The following CDIP1 variants were observed in gnomAD, a reference collection of about 807,000 sequenced individuals.
CDIP1 encodes cell death inducing p53 target 1, also known as cell death-inducing p53-target protein 1.
CDIP1 carries 9 observed loss-of-function variants against 17.7 expected under a neutral mutation model. The observed-to-expected ratio is 0.51, with a 90% CI of 0.31 to 0.89. The LOEUF is 0.89. CDIP1 is among the 40% of genes least tolerant of loss of function. CDIP1 has a pLI of 0.05. For synonymous variants in CDIP1, 117 were observed against 109.5 expected, an observed-to-expected ratio of 1.07 and a Z score of -0.43; for missense variants, 263 against 277.9, an observed-to-expected ratio of 0.95 and a Z score of 0.38.
At chr16:4,525,419 G>A (rs993842828) in intron 1 of CDIP1, among the ~76,000 whole-genome samples, 11 of 152,176 alleles carry the variant, frequency 7.2e-5, no homozygotes, top group African/African-American at 1.4e-4. Context: ...TGCAGTGAAC[G>A]TTAATAGAGC....
At chr16:4,529,978 A>G (rs1315769647) in intron 1 of CDIP1, among the ~76,000 whole-genome samples, 2 of 152,206 alleles carry the variant, frequency 1.3e-5, no homozygotes, top group African/African-American at 4.8e-5. Flanking sequence ...TGGGATGTGG[A>G]AAAGCAAACC....
chr16:4,520,763 C>T (rs2058938015), intron 1 of CDIP1, among the ~76,000 whole-genome samples: 1 of 152,112 alleles, frequency 6.6e-6, no homozygotes, highest in Admixed American at 6.6e-5. Context: ...GCAACATATA[C>T]AAAAATAAAA....
chr16:4,528,638 A>G (rs144269785), intron 1 of CDIP1, among the ~76,000 whole-genome samples: 62 of 134,044 alleles, frequency 4.6e-4, no homozygotes, highest in African/African-American at 1.7e-3. Flanking sequence ...CCATGATTGC[A>G]CCGCTGCACT....
At position 4,513,007 on chromosome 16, in the gene CDIP1, TA is replaced by T; in HGVS notation, c.298del (p.Tyr100ThrfsTer26). 6.3e-7 allele frequency: 1 copy of T among 1,590,492 alleles called. No individual in the cohort carries two copies. The highest frequency in any genetic ancestry group is 1.8e-5 in the Admixed American group (1 of 55,732). On this transcript the variant is annotated frameshift_variant, in exon 5 of 6. Coordinates refer to ENST00000567695, the MANE Select transcript of CDIP1 (RefSeq NM_013399.3). LOFTEE classifies it high-confidence loss of function. This position sits in a 1 kb window ranked among gnomAD's most constrained non-coding sequence, Gnocchi z 4.1. ...PPMGYYPPGPYTPGPYPGPGG... is the reference protein window; with the variant it reads ...PPMGYYPPGPXTPGPYPGPGG... Reference sequence around the variant, plus strand: ...AGGGCCAGGGTAGGGCCCTGGCGTGTAGGGCCCTGGGGGGTAGTAGCCCATG... The same window carrying T: ...AGGGCCAGGGTAGGGCCCTGGCGTGTGGGCCCTGGGGGGTAGTAGCCCATG...
rs1344229634 is a variant in CDIP1, at chr16:4,514,037, AC to A, written c.85+8del. 6 of 1,490,546 alleles carry A rather than the reference AC, an allele frequency of 4.0e-6. No homozygotes were observed. The highest frequency in any genetic ancestry group is 5.4e-6 in the Non-Finnish European group (6 of 1,119,658). The allele number at this position is 1,490,546 out of a possible 1,614,324, so 92.3% of individuals were successfully genotyped here. On this transcript the variant is annotated splice_region_variant and intron_variant, in intron 3 of 5. Transcript: ENST00000567695. This position sits in a 1 kb window ranked among gnomAD's most constrained non-coding sequence, Gnocchi z 5.2. ...GCAATATGGAGCCTCAGGAACAGTG[AC>A]CCCCTACCTGGGGTGGGCGGGGCTC...
chr16:4,519,790 C>T (rs2058925951), intron 1 of CDIP1, among the ~76,000 whole-genome samples: 1 of 151,626 alleles, frequency 6.6e-6, no homozygotes. Context: ...TTCCCCTCCC[C>T]TTCTCACCCC....
chr16:4,516,698 CTTTTTTTTT>C (rs767463500), intron 1 of CDIP1, among the ~76,000 whole-genome samples: 5 of 78,056 alleles, frequency 6.4e-5, no homozygotes, highest in African/African-American at 2.1e-4. Context: ...GTTTTAAATC[CTTTTTTTTT>C]TTTTTTTTTT....
intron 1 of CDIP1, among the ~76,000 whole-genome samples, chr16:4,533,927 T>C (rs564000669): frequency 5.4e-4 from 82 of 152,160 alleles, no homozygotes; most frequent in African/African-American, 1.9e-3. Flanking sequence ...AGGTTTGGGG[T>C]TGACCTAAGT....
Position 4,512,767 on chromosome 16 carries a change from C to G in CDIP1, c.515+24G>C, listed in dbSNP as rs201918956. The G allele has an allele frequency of 8.3e-4, 1,326 of 1,595,108 alleles. No homozygotes were observed. The highest frequency in any genetic ancestry group is 1.1e-3 in the Non-Finnish European group (1,262 of 1,170,180). On this transcript the variant is annotated intron_variant, in intron 5 of 5. Coordinates refer to ENST00000567695, the MANE Select transcript of CDIP1 (RefSeq NM_013399.3). This position sits in a 1 kb window ranked among gnomAD's most constrained non-coding sequence, Gnocchi z 4.6. The stretch of plus-strand genomic sequence containing the variant: ...CAGTTGACCCTGGTGCAGCCCCCAC[C>G]CTACCAGTGCCCACACCACCTACCC...
chr16:4,513,807 G>C lies in CDIP1; in HGVS notation c.130C>G (p.Leu44Val), dbSNP rs1389213125. ...AVMQPPPGMP[L>V]PPADIGPPPY... is the part of the protein sequence containing the mutation. Reference sequence around the variant, plus strand: ...GGGGGGCCAATGTCCGCAGGGGGCAGTGGCATGCCTGGAGGGGGCTGCATC... The same window carrying C: ...GGGGGGCCAATGTCCGCAGGGGGCACTGGCATGCCTGGAGGGGGCTGCATC... Residue 44 changes from leucine to valine, a missense_variant, in exon 4 of 6, where the codon CTG becomes GTG. Transcript: ENST00000567695. The surrounding 1 kb of genome is among the most constrained non-coding windows in gnomAD (Gnocchi z 4.1). The C allele has an allele frequency of 6.3e-7, 1 of 1,598,194 alleles. No homozygotes were observed. The highest frequency in any genetic ancestry group is 8.5e-7 in the Non-Finnish European group (1 of 1,170,342).
intron 1 of CDIP1, among the ~76,000 whole-genome samples, chr16:4,526,717 TAAAAATAAAATA>T (rs1320964104): frequency 3.4e-4 from 50 of 146,978 alleles, no homozygotes; most frequent in African/African-American, 9.4e-4. Flanking sequence ...AAAAGATAAA[TAAAAATAAAATA>T]AAAAATAAAA....
In CDIP1 at chr16:4,513,713, C is replaced by T; in HGVS notation, c.224G>A (p.Gly75Asp). ...GFIPPHMSAD[G>D]TYMPPGFYPP... ...CCACTCACCCGGAGGCATGTAGGTG[C>T]CATCTGCACTCATGTGTGGTGGGAT... is the stretch of plus-strand genomic sequence containing the variant. The change falls in exon 4 of 6, where the codon GGC becomes GAC. Residue 75 changes from glycine (G) to aspartate (D), a missense_variant. Gly to Asp is a moderately conservative substitution (Grantham distance 94). Transcript: ENST00000567695. This position sits in a 1 kb window ranked among gnomAD's most constrained non-coding sequence, Gnocchi z 4.1. 6.2e-7 allele frequency: 1 copy of T among 1,613,586 alleles called. No homozygotes were observed.
At chr16:4,523,967 T>C (rs899175419) in intron 1 of CDIP1, 6 of 152,306 alleles carry the variant, frequency 3.9e-5, no homozygotes, top group Admixed American at 1.3e-4. Context: ...CCTCAGGCTT[T>C]AGGCTTCCCC....
intron 1 of CDIP1, among the ~76,000 whole-genome samples, chr16:4,531,568 T>A (rs2059057141): frequency 6.6e-6 from 1 of 152,220 alleles, no homozygotes; most frequent in Non-Finnish European, 1.5e-5. Flanking sequence ...GGAAGACAGG[T>A]GCCCTGTGAA....
chr16:4,537,849 T>A (rs2059125257), intron 1 of CDIP1, among the ~76,000 whole-genome samples: 1 of 152,148 alleles, frequency 6.6e-6, no homozygotes, highest in African/African-American at 2.4e-5. Context: ...TAAGCCAAGG[T>A]CCTCGAAGGC....
At chr16:4,532,523 C>G (rs957019619) in intron 1 of CDIP1, 1 of 152,280 alleles carries the variant, frequency 6.6e-6, no homozygotes, top group Non-Finnish European at 1.5e-5. Flanking sequence ...CCTCTGGCCA[C>G]AGCAGGATGC....
intron 1 of CDIP1, chr16:4,532,096 T>A (rs1296922130): frequency 6.6e-6 from 1 of 152,218 alleles, no homozygotes; most frequent in Non-Finnish European, 1.5e-5. Flanking sequence ...ACCCACTGAA[T>A]GTGTACTGAA....
chr16:4,536,891 C>T (rs1285242028), intron 1 of CDIP1: 1 of 152,044 alleles, frequency 6.6e-6, no homozygotes, highest in Non-Finnish European at 1.5e-5. Context: ...GTGACGGCAC[C>T]GCTGCACTCC....
intron 1 of CDIP1, among the ~76,000 whole-genome samples, chr16:4,520,149 A>G (rs2058930596): frequency 6.6e-6 from 1 of 150,830 alleles, no homozygotes; most frequent in Admixed American, 6.6e-5. Context: ...GTCTCGCTCT[A>G]TCACCAGGCT....
Sources: gnomAD v4.1 joint callset for allele counts (sites outside exome capture counted in the v4.1 genomes callset) on GRCh38, gnomAD v4.1.1 for gene constraint, Gnocchi (gnomAD v3.1) non-coding constraint, MANE v1.5 for transcripts, NCBI Gene and HGNC (gene_info 2026-07-23, HGNC 2026-07-21) for gene names.